PTPRG: variants seen among roughly 807,000 people sequenced by gnomAD.
The protein encoded by PTPRG is receptor-type tyrosine-protein phosphatase gamma.
Under a neutral mutation model 165.3 loss-of-function variants are expected in PTPRG, and 102 were observed. The ratio of observed to expected loss-of-function variants is 0.62; its 90% confidence interval spans 0.53 to 0.73. PTPRG has a LOEUF of 0.73. PTPRG is among the 30% of genes least tolerant of loss of function. PTPRG has a pLI of 0.00. For synonymous variants in PTPRG, 675 were observed against 669.5 expected (o/e 1.01, Z -0.13); for missense variants, 1,866 against 1,861.4 (o/e 1.00, Z -0.05).
At chr3:62,057,695 T>C (rs913199392) in intron 4 of PTPRG, among the ~76,000 whole-genome samples, 2 of 152,168 alleles carry the variant, frequency 1.3e-5, no homozygotes, top group Non-Finnish European at 2.9e-5. Flanking sequence ...GGGAGTCCAG[T>C]AGAATGCTTA....
chr3:61,989,852 T>C, intron 3 of PTPRG, 48 bp downstream of exon 3: 2 of 1,596,696 alleles, frequency 1.3e-6, no homozygotes, highest in East Asian at 2.2e-5. Flanking sequence ...GGAACTATTT[T>C]TGGATGTCTC....
At chr3:61,965,467 G>A (rs2107649680) in intron 2 of PTPRG, among the ~76,000 whole-genome samples, 1 of 132,340 alleles carries the variant, frequency 7.6e-6, no homozygotes, top group East Asian at 2.2e-4. Context: ...CAGCCTGGGT[G>A]ACAGAGCAAG....
chr3:61,674,070 T>C (rs1320658090), intron 1 of PTPRG, among the ~76,000 whole-genome samples: 1 of 151,602 alleles, frequency 6.6e-6, no homozygotes, highest in Non-Finnish European at 1.5e-5. Context: ...TTAGGAGAAA[T>C]ACCTAACGTA....
At chr3:62,028,385 A>C (rs1385843342) in intron 4 of PTPRG, among the ~76,000 whole-genome samples, 2 of 152,240 alleles carry the variant, frequency 1.3e-5, no homozygotes, top group Non-Finnish European at 2.9e-5. Flanking sequence ...GATTCCAAAC[A>C]AAACTGAAAT....
At chr3:62,241,290 C>T (rs780381776) in intron 14 of PTPRG, among the ~76,000 whole-genome samples, 9 of 152,142 alleles carry the variant, frequency 5.9e-5, no homozygotes, top group Non-Finnish European at 7.3e-5. Context: ...GCTGAATAAA[C>T]ATTTGCCAAA....
intron 14 of PTPRG, among the ~76,000 whole-genome samples, chr3:62,241,875 C>T (rs1701167753): frequency 6.6e-6 from 1 of 152,064 alleles, no homozygotes; most frequent in Non-Finnish European, 1.5e-5. Context: ...CTTATTTGGG[C>T]TATTAAGTAG....
At chr3:62,244,395 G>C (rs1053270302) in intron 15 of PTPRG, among the ~76,000 whole-genome samples, 2 of 152,206 alleles carry the variant, frequency 1.3e-5, no homozygotes, top group Non-Finnish European at 2.9e-5. Flanking sequence ...GCACACTGTA[G>C]TGAATCCTAG....
chr3:61,949,736 TTTTTTTTG>T (rs1239316870), intron 2 of PTPRG, among the ~76,000 whole-genome samples: 2 of 152,050 alleles, frequency 1.3e-5, no homozygotes, highest in South Asian at 2.1e-4. Flanking sequence ...TTTGTTTTTT[TTTTTTTTG>T]TTTGTTTGTT....
chr3:61,892,141 C>CAG (rs1287392237), intron 2 of PTPRG, among the ~76,000 whole-genome samples: 3 of 152,058 alleles, frequency 2.0e-5, no homozygotes, highest in Non-Finnish European at 4.4e-5. Context: ...AAGTATATCT[C>CAG]AGAGAGAGAG....
At chr3:61,921,759 A>G (rs1203103048) in intron 2 of PTPRG, among the ~76,000 whole-genome samples, 2 of 152,170 alleles carry the variant, frequency 1.3e-5, no homozygotes, top group Non-Finnish European at 2.9e-5. Flanking sequence ...CCAAAATCTG[A>G]AATTTTGGAT....
intron 1 of PTPRG, among the ~76,000 whole-genome samples, chr3:61,653,791 A>T (rs1350769846): frequency 6.6e-6 from 1 of 150,926 alleles, no homozygotes; most frequent in Non-Finnish European, 1.5e-5. Flanking sequence ...CTCGCCTGTG[A>T]GATTAGAATT....
At chr3:62,120,053 A>G (rs980213759) in intron 5 of PTPRG, among the ~76,000 whole-genome samples, 24 of 152,094 alleles carry the variant, frequency 1.6e-4, no homozygotes, top group African/African-American at 5.8e-4. Context: ...GTCAATCAGA[A>G]TAGTGTTTTG....
At chr3:62,058,739 C>T (rs1436469928) in intron 4 of PTPRG, among the ~76,000 whole-genome samples, 4 of 152,142 alleles carry the variant, frequency 2.6e-5, no homozygotes, top group Non-Finnish European at 2.9e-5. Context: ...ATAACAGCAT[C>T]CAGCAGATAG....
At chr3:62,262,181 T>A (rs1178818865) in intron 16 of PTPRG, 8 of 152,176 alleles carry the variant, frequency 5.3e-5, no homozygotes, top group Admixed American at 5.2e-4. Context: ...AGGATAACTT[T>A]TAAAATACTA....
At chr3:61,885,668 T>TCC (rs148287739) in intron 2 of PTPRG, among the ~76,000 whole-genome samples, 3 of 6,054 alleles carry the variant, frequency 5.0e-4, no homozygotes, top group Non-Finnish European at 1.1e-3. Context: ...TCTCCTCTCC[T>TCC]CTCCTCTCCT....
intron 1 of PTPRG, among the ~76,000 whole-genome samples, chr3:61,569,585 C>T (rs1404408327): frequency 6.6e-6 from 1 of 152,152 alleles, no homozygotes; most frequent in Non-Finnish European, 1.5e-5. Context: ...TCCCAAAGTG[C>T]TAGGATTACA....
chr3:62,045,519 C>G (rs1424251428), intron 4 of PTPRG, among the ~76,000 whole-genome samples: 1 of 152,136 alleles, frequency 6.6e-6, no homozygotes, highest in African/African-American at 2.4e-5. Flanking sequence ...CTCATTTTGT[C>G]CAGCTCTTAG....
chr3:62,227,133 G>C (rs555885624), intron 13 of PTPRG, among the ~76,000 whole-genome samples: 2 of 152,254 alleles, frequency 1.3e-5, no homozygotes, highest in East Asian at 3.9e-4. Flanking sequence ...TCTTGCTTGA[G>C]GGATGACTGA....
At chr3:61,618,076 A>G (rs1701346762) in intron 1 of PTPRG, among the ~76,000 whole-genome samples, 1 of 152,172 alleles carries the variant, frequency 6.6e-6, no homozygotes, top group Admixed American at 6.5e-5. Flanking sequence ...GTGTGGTGGA[A>G]GAACTATTCT....
Sources: gnomAD v4.1 joint callset for allele counts (sites outside exome capture counted in the v4.1 genomes callset) on GRCh38, gnomAD v4.1.1 for gene constraint, MANE v1.5 for transcripts, NCBI Gene and HGNC (gene_info 2026-07-23, HGNC 2026-07-21) for gene names.